The following LYSMD2 variants were observed in gnomAD, a reference collection of about 807,000 sequenced individuals.
The protein encoded by LYSMD2 is lysM and putative peptidoglycan-binding domain-containing protein 2.
Under a neutral mutation model 17.7 loss-of-function variants are expected in LYSMD2, and 6 were observed. The ratio of observed to expected loss-of-function variants is 0.34; its 90% CI spans 0.19 to 0.67. The LOEUF is 0.67. Among genes scored for constraint, LYSMD2 ranks in the 30% least tolerant of loss-of-function variants. The probability of loss-of-function intolerance (pLI) is 0.69; values close to 1 mark genes in which losing one functional copy is unlikely to be tolerated. For synonymous variants in LYSMD2, 102 were observed against 129.8 expected (o/e 0.79, Z 1.45); for missense variants, 237 against 286.7 (o/e 0.83, Z 1.25).
At chr15:51,741,528 A>G (rs181090385), upstream of LYSMD2, among the ~76,000 whole-genome samples, 2 of 152,266 alleles carry the variant, frequency 1.3e-5, no homozygotes, top group African/African-American at 2.4e-5. Flanking sequence ...GCTTTTCTGC[A>G]TATTTATATT....
chr15:51,731,059 G>A (rs1469779912), intron 1 of LYSMD2, among the ~76,000 whole-genome samples: 2 of 152,212 alleles, frequency 1.3e-5, no homozygotes, highest in Non-Finnish European at 2.9e-5. Context: ...GCATATTGGT[G>A]GTAGTCTGAG....
Position 51,728,767 on chromosome 15 carries a change from G to A in LYSMD2, c.274-3646C>T, listed in dbSNP as rs145393411. On this transcript the variant is annotated intron_variant, in intron 1 of 2. Coordinates refer to ENST00000267838, the MANE Select transcript of LYSMD2 (RefSeq NM_153374.3). The stretch of plus-strand genomic sequence containing the variant: ...TGCCTGTAATCACAGCTACTAGGGA[G>A]GCTGAGGCAGAAGAATCGCTTGAAC... Among the ~76,000 whole-genome samples, 68 of 152,198 alleles carry A rather than the reference G, an allele frequency of 4.5e-4. 1 individual carries two copies. Among genetic ancestry groups the A allele is most frequent in the African/African-American group, 1.5e-3 (61 of 41,512 alleles).
At chr15:51,740,781 T>C (rs1472007816), upstream of LYSMD2, among the ~76,000 whole-genome samples, 1 of 150,914 alleles carries the variant, frequency 6.6e-6, no homozygotes, top group Non-Finnish European at 1.5e-5. Flanking sequence ...CCTGGTGGCG[T>C]AGGAGCAGAA....
At chr15:51,741,952 A>T (rs571647651), upstream of LYSMD2, among the ~76,000 whole-genome samples, 1 of 149,056 alleles carries the variant, frequency 6.7e-6, no homozygotes, top group South Asian at 2.1e-4. Context: ...TATATAATGT[A>T]TATATAAATA....
chr15:51,751,285 A>T, exon 1 of LYSMD2: 1 of 702,506 alleles, frequency 1.4e-6, no homozygotes. Context: ...GACCGCTCTC[A>T]ACGCGGCTTC....
upstream of LYSMD2, among the ~76,000 whole-genome samples, chr15:51,741,834 C>T (rs1392152737): frequency 2.0e-5 from 3 of 151,866 alleles, no homozygotes; most frequent in Admixed American, 6.6e-5. Flanking sequence ...GCAGAAGAAT[C>T]GCTTGAACCT....
Position 51,737,240 on chromosome 15 carries a change from T to G in LYSMD2, c.273+110A>C. Reference sequence around the variant, plus strand: ...GCACGGCCGTCCCTGCGACTCCCCATCCCCCAAACCCCCACCCGCAGTCCC... The same window carrying G: ...GCACGGCCGTCCCTGCGACTCCCCAGCCCCCAAACCCCCACCCGCAGTCCC... On this transcript the variant is annotated intron_variant, in intron 1 of 2. Transcript: ENST00000267838. This position sits in a 1 kb window ranked among gnomAD's most constrained non-coding sequence, Gnocchi z 4.2. 30 of 215,426 alleles carry G rather than the reference T, an allele frequency of 1.4e-4. No homozygotes were observed. The highest frequency in any genetic ancestry group is 5.1e-4 in the East Asian group (5 of 9,778). The allele number at this position is 215,426 out of a possible 1,614,324, so 13.3% of individuals were successfully genotyped here. A position where few individuals can be genotyped will look rare whatever the true frequency, so the allele number is the denominator to read the frequency against.
chr15:51,737,208 C>CG lies in LYSMD2; in HGVS notation c.273+141dup. ...AGCGAGCCCTGGGAGCCGAGCCGCCCGGGGACGCACGGCCGTCCCTGCGAC... is the reference window on the plus strand; with the variant it reads ...AGCGAGCCCTGGGAGCCGAGCCGCCCGGGGGACGCACGGCCGTCCCTGCGAC... On this transcript the variant is annotated intron_variant, in intron 1 of 2. Coordinates refer to ENST00000267838, the MANE Select transcript of LYSMD2 (RefSeq NM_153374.3). The surrounding 1 kb of genome is among the most constrained non-coding windows in gnomAD (Gnocchi z 4.2). 2 of 855,334 alleles carry CG rather than the reference C, an allele frequency of 2.3e-6. No individual in the cohort carries two copies. The highest frequency in any genetic ancestry group is 3.1e-6 in the Non-Finnish European group (2 of 639,276). 53.0% of individuals were successfully genotyped at this position (855,334 alleles called of 1,614,324 possible).
chr15:51,733,743 A>C (rs1220318447), intron 1 of LYSMD2, among the ~76,000 whole-genome samples: 2 of 152,184 alleles, frequency 1.3e-5, no homozygotes, highest in Admixed American at 1.3e-4. Flanking sequence ...CCTTCTAAGC[A>C]TGGGGTCTTC....
intron 1 of LYSMD2, among the ~76,000 whole-genome samples, chr15:51,744,038 T>C (rs958305225): frequency 1.3e-5 from 2 of 152,198 alleles, no homozygotes; most frequent in Non-Finnish European, 2.9e-5. Flanking sequence ...TTGAAGTTTT[T>C]TGGACAATTC....
chr15:51,732,262 T>C (rs936132973), intron 1 of LYSMD2, among the ~76,000 whole-genome samples: 2 of 152,182 alleles, frequency 1.3e-5, no homozygotes, highest in Admixed American at 6.5e-5. Flanking sequence ...CATGGCTAGC[T>C]ACTTCATACC....
intron 1 of LYSMD2, among the ~76,000 whole-genome samples, chr15:51,731,877 G>A (rs1051147836): frequency 2.6e-5 from 4 of 152,150 alleles, no homozygotes; most frequent in Non-Finnish European, 1.5e-5. Flanking sequence ...CAGGGTTAGG[G>A]AAGGAATCTT....
chr15:51,725,284 T>C (rs2055531583), intron 1 of LYSMD2, among the ~76,000 whole-genome samples, 163 bp from the exon 2 acceptor site: 1 of 152,242 alleles, frequency 6.6e-6, no homozygotes, highest in African/African-American at 2.4e-5. Context: ...CAGATATCTC[T>C]AGTTATTTCA....
At chr15:51,750,127 A>T (rs922081737) in intron 1 of LYSMD2, among the ~76,000 whole-genome samples, 1 of 152,230 alleles carries the variant, frequency 6.6e-6, no homozygotes, top group Non-Finnish European at 1.5e-5. Context: ...CCACAGTGGA[A>T]GGAGAGAAGA....
At chr15:51,727,694 G>A (rs1191421846) in intron 1 of LYSMD2, among the ~76,000 whole-genome samples, 2 of 152,228 alleles carry the variant, frequency 1.3e-5, no homozygotes, top group Non-Finnish European at 1.5e-5. Flanking sequence ...TCCACAGGCA[G>A]TGAAGGGCTA....
chr15:51,732,635 G>A (rs1435782849), intron 1 of LYSMD2, among the ~76,000 whole-genome samples: 2 of 152,206 alleles, frequency 1.3e-5, no homozygotes, highest in African/African-American at 4.8e-5. Flanking sequence ...GGTCCATCAG[G>A]TGTCAGGCCT....
chr15:51,726,562 GGACGGTAGTC>G (rs983337001), intron 1 of LYSMD2, among the ~76,000 whole-genome samples: 8 of 152,210 alleles, frequency 5.3e-5, no homozygotes, highest in African/African-American at 1.9e-4. Context: ...GACTCCTGCA[GGACGGTAGTC>G]GAGGGGAGAG....
chr15:51,741,662 G>A (rs116909019), upstream of LYSMD2, among the ~76,000 whole-genome samples: 258 of 152,254 alleles, frequency 1.7e-3, 11 homozygotes, highest in East Asian at 0.017. Context: ...GTTCTCGCCT[G>A]TTATTCCAGC....
At position 51,737,139 on chromosome 15, in the gene LYSMD2, G is replaced by C. The variant is rs552884882; in HGVS notation, c.273+211C>G. Among the ~76,000 whole-genome samples the C allele has an allele frequency of 4.5e-4, 69 of 152,298 alleles. No homozygotes were observed. Among genetic ancestry groups the C allele is most frequent in the African/African-American group, 1.6e-3 (66 of 41,568 alleles). On this transcript the variant is annotated intron_variant, in intron 1 of 2. Coordinates refer to ENST00000267838, the MANE Select transcript of LYSMD2 (RefSeq NM_153374.3). The surrounding 1 kb of genome is among the most constrained non-coding windows in gnomAD (Gnocchi z 4.2). ...CTGGCGGTCCGCCCCTCCCGCTGCAGGACCAGCTTTGGCGACCACTGCGGT... is the reference window on the plus strand; with the variant it reads ...CTGGCGGTCCGCCCCTCCCGCTGCACGACCAGCTTTGGCGACCACTGCGGT...
Sources: allele counts gnomAD v4.1 joint callset (sites outside exome capture counted in the v4.1 genomes callset), GRCh38; gene constraint gnomAD v4.1.1; non-coding constraint Gnocchi (gnomAD v3.1); transcripts MANE v1.5; gene names NCBI Gene and HGNC (gene_info 2026-07-23, HGNC 2026-07-21).